Variants in ORMDL1 observed in about 807,000 individuals in gnomAD.
The protein encoded by ORMDL1 is ORM1-like protein 1.
Under a neutral mutation model 13.0 loss-of-function variants are expected in ORMDL1, and 10 were observed. The ratio of observed to expected loss-of-function variants is 0.77; its 90% CI spans 0.47 to 1.30. ORMDL1 has a LOEUF of 1.30. Ranked by LOEUF, ORMDL1 falls within the 50% of genes most tolerant of loss-of-function variation. The probability of loss-of-function intolerance (pLI) is 0.00; values close to 1 mark genes in which losing one functional copy is unlikely to be tolerated. For synonymous variants in ORMDL1, 61 were observed against 63.9 expected, an observed-to-expected ratio of 0.95 and a Z score of 0.22; for missense variants, 171 against 186.7, an observed-to-expected ratio of 0.92 and a Z score of 0.49.
Position 189,782,449 on chromosome 2 carries a change from C to T in ORMDL1, c.147G>A (p.Trp49Ter), listed in dbSNP as rs371999153. The change falls in exon 3 of 5, where the codon TGG becomes TGA. Residue 49 changes from tryptophan (W) to a stop codon, truncating the protein, a stop_gained. Transcript: ENST00000392349. LOFTEE classifies it high-confidence loss of function. ...SIPFFSVPVAWTLTNIIHNLG... is the reference protein window; with the variant it reads ...SIPFFSVPVA ...GATTATGTATAATATTTGTTAAAGT[C>T]CAAGCAACAGGAACACTGAAGAAGG... The T allele has an allele frequency of 4.3e-6, 7 of 1,613,806 alleles. No individual in the cohort carries two copies. Among genetic ancestry groups the T allele is most frequent in the Non-Finnish European group, 1.7e-6 (2 of 1,179,818 alleles).
At chr2:189,775,848 T>A (rs1398740667) in intron 3 of ORMDL1, 132 bp from the exon 4 acceptor site, 1 of 794,402 alleles carries the variant, frequency 1.3e-6, no homozygotes, top group Non-Finnish European at 1.8e-6. Flanking sequence ...AGCTTTCATA[T>A]AATAGTGAAA....
At chr2:189,774,314 C>T (rs527340744) in intron 4 of ORMDL1, among the ~76,000 whole-genome samples, 8 of 152,294 alleles carry the variant, frequency 5.3e-5, no homozygotes, top group African/African-American at 1.2e-4. Context: ...TATCAGACTA[C>T]ACTGACACTT....
At chr2:189,767,522 T>C (rs933506972), downstream of ORMDL1, among the ~76,000 whole-genome samples, 5 of 152,244 alleles carry the variant, frequency 3.3e-5, no homozygotes, top group Non-Finnish European at 5.9e-5. Flanking sequence ...TAATTGCTAA[T>C]TGGAAAGTCA....
At chr2:189,777,069 T>G (rs2047713157) in intron 3 of ORMDL1, among the ~76,000 whole-genome samples, 1 of 152,192 alleles carries the variant, frequency 6.6e-6, no homozygotes, top group Non-Finnish European at 1.5e-5. Context: ...TAACAATTCC[T>G]TAGAAAAACC....
In ORMDL1 at chr2:189,782,443, T is replaced by G; in HGVS notation, c.153A>C (p.Leu51Phe). 6.2e-7 allele frequency: 1 copy of G among 1,613,832 alleles called. No individual in the cohort carries two copies. Among genetic ancestry groups the G allele is most frequent in the South Asian group, 1.1e-5 (1 of 91,050 alleles). The change falls in exon 3 of 5, where the codon TTA becomes TTC. Residue 51 changes from leucine to phenylalanine, a missense_variant. By Grantham distance (22) the Leu-to-Phe change is conservative (BLOSUM62 0). Coordinates refer to ENST00000392349, the MANE Select transcript of ORMDL1 (RefSeq NM_016467.5). ...TTACCAGATTATGTATAATATTTGTTAAAGTCCAAGCAACAGGAACACTGA... is the reference window on the plus strand; with the variant it reads ...TTACCAGATTATGTATAATATTTGTGAAAGTCCAAGCAACAGGAACACTGA... ...PFFSVPVAWT[L>F]TNIIHNLGMY...
rs1027426736 is a variant in ORMDL1, at chr2:189,770,774, G to A, written c.*993C>T. ...GGCAAAATATGGGGGTTGAGAGCAG[G>A]AGGACTAAGAAAAGAAAATGTTATC... On this transcript the variant is annotated 3_prime_UTR_variant, in exon 5 of 5. Coordinates refer to ENST00000392349, the MANE Select transcript of ORMDL1 (RefSeq NM_016467.5). The A allele has an allele frequency of 6.6e-6, 1 of 152,026 alleles. No individual in the cohort carries two copies. Among genetic ancestry groups the A allele is most frequent in the Non-Finnish European group, 1.5e-5 (1 of 67,982 alleles). 9.4% of individuals were successfully genotyped at this position (152,026 alleles called of 1,614,324 possible). A position where few individuals can be genotyped will look rare whatever the true frequency, so the allele number is the denominator to read the frequency against.
intron 4 of ORMDL1, chr2:189,774,639 T>TA (rs1232804951): frequency 6.6e-6 from 1 of 152,226 alleles, no homozygotes; most frequent in Non-Finnish European, 1.5e-5. Context: ...CCACTGTACT[T>TA]ACTGTGGGAT....
the ORMDL1 span, among the ~76,000 whole-genome samples, chr2:189,764,626 C>T: frequency 6.6e-6 from 1 of 152,110 alleles, no homozygotes; most frequent in African/African-American, 2.4e-5. Flanking sequence ...CTCTCTGAGG[C>T]CTGTCTGTAC....
downstream of ORMDL1, among the ~76,000 whole-genome samples, chr2:189,768,734 A>C (rs1215417273): frequency 1.3e-5 from 2 of 152,184 alleles, no homozygotes; most frequent in Non-Finnish European, 2.9e-5. Flanking sequence ...GAACAGGGGA[A>C]GTGGTACTCT....
rs375154357 is a variant in ORMDL1, at chr2:189,782,518, A to G, written c.78T>C (p.Tyr26=). The change falls in exon 3 of 5, where the codon TAT becomes TAC. Residue 26 remains tyrosine, a synonymous_variant. Coordinates refer to ENST00000392349, the MANE Select transcript of ORMDL1 (RefSeq NM_016467.5). The part of the protein sequence containing the change: ...VMNSRGMWLT[Y]ALGVGLLHIV... ...TATGAAGCAAGCCAACTCCCAATGC[A>G]TATGTCAGCCACATACCCCGGCTGT... The G allele has an allele frequency of 1.7e-4, 268 of 1,614,196 alleles. No individual in the cohort carries two copies. In the Middle Eastern group the frequency reaches 4.6e-3, roughly 28 times the overall value.
At chr2:189,778,472 A>C in intron 3 of ORMDL1, 1 of 455,888 alleles carries the variant, frequency 2.2e-6, no homozygotes, top group Non-Finnish European at 4.4e-6. Context: ...TAAAGAGATA[A>C]ACTGCTAATT....
intron 3 of ORMDL1, chr2:189,778,038 A>G (rs2047736052): frequency 2.8e-6 from 1 of 360,330 alleles, no homozygotes; most frequent in African/African-American, 2.2e-5. Flanking sequence ...TTGCTTTTCT[A>G]TACAATGTCA....
Position 189,780,837 on chromosome 2 carries a change from A to G in ORMDL1, c.174+1585T>C, listed in dbSNP as rs192199531. On this transcript the variant is annotated intron_variant, in intron 3 of 4. Coordinates refer to ENST00000392349, the MANE Select transcript of ORMDL1 (RefSeq NM_016467.5). The stretch of plus-strand genomic sequence containing the variant: ...CACATAAAATGGACTAAATGGACAC[A>G]TATTTATCATGTCTACCAGCACATC... Among the ~76,000 whole-genome samples the G allele has an allele frequency of 2.6e-4, 39 of 152,370 alleles. No individual in the cohort carries two copies. In the East Asian group the frequency reaches 6.9e-3, roughly 27 times the overall value.
chr2:189,764,317 A>G, the ORMDL1 span: 1 of 152,208 alleles, frequency 6.6e-6, no homozygotes, highest in East Asian at 1.9e-4. Flanking sequence ...AATTCCAATT[A>G]TGTTCAGCAA....
At chr2:189,768,708 T>TA (rs1218198427), downstream of ORMDL1, among the ~76,000 whole-genome samples, 1 of 151,810 alleles carries the variant, frequency 6.6e-6, no homozygotes, top group Non-Finnish European at 1.5e-5. Context: ...TAGGCAGCAT[T>TA]AAAAAAAAGC....
At chr2:189,767,234 C>T (rs1412026347), downstream of ORMDL1, among the ~76,000 whole-genome samples, 1 of 152,110 alleles carries the variant, frequency 6.6e-6, no homozygotes, top group Admixed American at 6.5e-5. Context: ...GGCAGGGAAG[C>T]GAGTCTCTGT....
intron 3 of ORMDL1, 84 bp from the exon 4 acceptor site, chr2:189,775,800 T>C: frequency 3.7e-6 from 5 of 1,352,196 alleles, no homozygotes; most frequent in African/African-American, 1.5e-5. Flanking sequence ...GGTTCCAAGC[T>C]GTTTGTGAGA....
chr2:189,777,441 A>G (rs920866424), intron 3 of ORMDL1, among the ~76,000 whole-genome samples: 1 of 152,234 alleles, frequency 6.6e-6, no homozygotes, highest in African/African-American at 2.4e-5. Flanking sequence ...CATAGATATT[A>G]GAATATAAGA....
downstream of ORMDL1, among the ~76,000 whole-genome samples, chr2:189,766,867 GTGAC>G (rs1020890659): frequency 2.6e-5 from 4 of 152,206 alleles, no homozygotes; most frequent in African/African-American, 7.2e-5. Flanking sequence ...TTGTCATTTT[GTGAC>G]TGACTTATTT....
Sources: gnomAD v4.1 joint callset for allele counts (sites outside exome capture counted in the v4.1 genomes callset) on GRCh38, gnomAD v4.1.1 for gene constraint, MANE v1.5 for transcripts, NCBI Gene and HGNC (gene_info 2026-07-23, HGNC 2026-07-21) for gene names.